GULP1: variants seen among roughly 807,000 people sequenced by gnomAD.
GULP1 encodes the protein PTB domain-containing engulfment adapter protein 1.
A neutral mutation model predicts 40.9 loss-of-function variants in GULP1; 19 were observed. The ratio of observed to expected loss-of-function variants is 0.46; its 90% CI spans 0.32 to 0.68. GULP1 has a LOEUF of 0.68. Ranked by LOEUF, GULP1 falls within the 30% of genes least tolerant of loss-of-function variation. GULP1 has a pLI of 0.03. For synonymous variants in GULP1, 119 were observed against 117.6 expected (o/e 1.01, Z -0.08); for missense variants, 312 against 362.2 (o/e 0.86, Z 1.12).
chr2:188,422,115 C>T (rs73040442), intron 2 of GULP1, among the ~76,000 whole-genome samples: 9,921 of 146,422 alleles, frequency 0.068, 1,114 homozygotes, highest in African/African-American at 0.23. Context: ...TCTTTCTTGA[C>T]ATAATCTACC....
At chr2:188,446,868 G>C (rs572276192) in intron 2 of GULP1, among the ~76,000 whole-genome samples, 1 of 151,964 alleles carries the variant, frequency 6.6e-6, no homozygotes, top group East Asian at 1.9e-4. Flanking sequence ...TGATATTTTG[G>C]AAGTGTCAAC....
At chr2:188,534,133 C>A (rs1426421711) in intron 6 of GULP1, among the ~76,000 whole-genome samples, 1 of 152,110 alleles carries the variant, frequency 6.6e-6, no homozygotes, top group Non-Finnish European at 1.5e-5. Context: ...GTTGTATATA[C>A]TTGGTATATA....
At chr2:188,535,173 C>T (rs1162584824) in intron 6 of GULP1, among the ~76,000 whole-genome samples, 1 of 150,156 alleles carries the variant, frequency 6.7e-6, no homozygotes, top group African/African-American at 2.4e-5. Flanking sequence ...TATTTCTACT[C>T]GTTCTGTTTT....
intron 1 of GULP1, among the ~76,000 whole-genome samples, chr2:188,342,339 A>G (rs1318285451): frequency 1.3e-5 from 2 of 151,996 alleles, no homozygotes; most frequent in Admixed American, 6.6e-5. Context: ...CATGACTCTA[A>G]TCTTTGTCTA....
intron 1 of GULP1, among the ~76,000 whole-genome samples, chr2:188,307,146 CTA>C (rs1468202274): frequency 2.6e-5 from 4 of 152,188 alleles, no homozygotes; most frequent in Admixed American, 6.5e-5. Flanking sequence ...TGTCATGAAA[CTA>C]TGATTCTTGG....
intron 2 of GULP1, among the ~76,000 whole-genome samples, chr2:188,449,905 A>T (rs2058696103): frequency 6.6e-6 from 1 of 152,102 alleles, no homozygotes; most frequent in Admixed American, 6.6e-5. Context: ...TTTTTACTTC[A>T]TTTGGATATT....
intron 4 of GULP1, among the ~76,000 whole-genome samples, chr2:188,487,048 C>T (rs2061921865): frequency 6.6e-6 from 1 of 151,914 alleles, no homozygotes; most frequent in Non-Finnish European, 1.5e-5. Flanking sequence ...TCTATTGCTA[C>T]TATAATTAGA....
At chr2:188,486,435 A>G (rs2061867528) in intron 4 of GULP1, among the ~76,000 whole-genome samples, 1 of 151,986 alleles carries the variant, frequency 6.6e-6, no homozygotes, top group Non-Finnish European at 1.5e-5. Context: ...TACTTCACTC[A>G]CTTTTGGCAT....
At chr2:188,436,281 C>G (rs943949565) in intron 2 of GULP1, among the ~76,000 whole-genome samples, 8 of 152,004 alleles carry the variant, frequency 5.3e-5, no homozygotes, top group Non-Finnish European at 1.0e-4. Context: ...TGGAGGAATT[C>G]ACAAACTAGC....
chr2:188,500,535 G>A (rs2063337188), intron 4 of GULP1, among the ~76,000 whole-genome samples: 1 of 151,870 alleles, frequency 6.6e-6, no homozygotes, highest in African/African-American at 2.4e-5. Flanking sequence ...ATAATCTTTT[G>A]TACTGGTGAC....
chr2:188,556,873 A>C (rs1694895857), intron 7 of GULP1, among the ~76,000 whole-genome samples: 1 of 152,164 alleles, frequency 6.6e-6, no homozygotes, highest in East Asian at 1.9e-4. Context: ...AAAGACAAAA[A>C]ATTAGCCATG....
intron 2 of GULP1, among the ~76,000 whole-genome samples, chr2:188,406,478 A>G (rs1559203738): frequency 6.6e-6 from 1 of 152,224 alleles, no homozygotes. Context: ...ACAAAATTAC[A>G]AAAATAATGG....
intron 4 of GULP1, among the ~76,000 whole-genome samples, chr2:188,513,861 G>C (rs2064871677): frequency 6.6e-6 from 1 of 152,016 alleles, no homozygotes; most frequent in Non-Finnish European, 1.5e-5. Flanking sequence ...TTTATTCCAT[G>C]TTATTGGTTA....
chr2:188,444,365 A>G (rs1368724068), intron 2 of GULP1, among the ~76,000 whole-genome samples: 1 of 152,230 alleles, frequency 6.6e-6, no homozygotes, highest in Non-Finnish European at 1.5e-5. Context: ...TGAAAACATC[A>G]TGGTGCACAT....
chr2:188,383,273 AT>A (rs532937873), intron 1 of GULP1, among the ~76,000 whole-genome samples: 86 of 152,368 alleles, frequency 5.6e-4, no homozygotes, highest in African/African-American at 2.0e-3. Context: ...TAGTTATAGC[AT>A]GATTATGAAT....
At chr2:188,333,672 G>A (rs987580957) in intron 1 of GULP1, among the ~76,000 whole-genome samples, 2 of 152,136 alleles carry the variant, frequency 1.3e-5, no homozygotes, top group African/African-American at 4.8e-5. Context: ...GTTAAGAAAA[G>A]CCAATTTAGA....
chr2:188,512,659 T>C (rs1380355096), intron 4 of GULP1, among the ~76,000 whole-genome samples: 1 of 152,164 alleles, frequency 6.6e-6, no homozygotes, highest in Non-Finnish European at 1.5e-5. Context: ...CACTGCTCTC[T>C]ACTGGCAAAG....
chr2:188,429,969 A>G (rs1320820742), intron 2 of GULP1, among the ~76,000 whole-genome samples: 1 of 152,142 alleles, frequency 6.6e-6, no homozygotes, highest in Non-Finnish European at 1.5e-5. Context: ...TCGGCCTCCC[A>G]AAGTGCTGGG....
rs768897298 is a variant in GULP1, at chr2:188,594,057, C to T, written c.*46C>T. The T allele has an allele frequency of 1.1e-5, 10 of 945,038 alleles. No homozygotes were observed. The highest frequency in any genetic ancestry group is 1.6e-5 in the African/African-American group (1 of 61,962). The allele number at this position is 945,038 out of a possible 1,614,324, so 58.5% of individuals were successfully genotyped here. A position where few individuals can be genotyped will look rare whatever the true frequency, so the allele number is the denominator to read the frequency against. On this transcript the variant is annotated 3_prime_UTR_variant, in exon 12 of 12. Transcript: ENST00000409830. The stretch of plus-strand genomic sequence containing the variant: ...GATTCATGTTAAATGTGTTTGTATA[C>T]ACATGTCATTTATTATTATTACTTT...
Sources: allele counts gnomAD v4.1 joint callset (sites outside exome capture counted in the v4.1 genomes callset), GRCh38; gene constraint gnomAD v4.1.1; transcripts MANE v1.5; gene names NCBI Gene and HGNC (gene_info 2026-07-23, HGNC 2026-07-21).